Variants in GRIP2 observed in about 807,000 individuals in gnomAD.
The protein encoded by GRIP2 is glutamate receptor interacting protein 2.
In GRIP2, 58 loss-of-function variants were observed where a neutral mutation model predicts 108.3. The observed-to-expected ratio is 0.54, with a 90% confidence interval of 0.43 to 0.67. The LOEUF (loss-of-function observed/expected upper bound fraction) is 0.67. GRIP2 is among the 30% of genes least tolerant of loss of function. The pLI is 0.00. For synonymous variants in GRIP2, 586 were observed against 598.2 expected (o/e 0.98, Z 0.30); for missense variants, 1,278 against 1,430.6 (o/e 0.89, Z 1.72).
chr3:14,535,203 A>G (rs1360018739), intron 1 of GRIP2, among the ~76,000 whole-genome samples: 1 of 152,170 alleles, frequency 6.6e-6, no homozygotes, highest in Non-Finnish European at 1.5e-5. Flanking sequence ...GCTTCGCCCC[A>G]CCATGGAAGG....
At chr3:14,557,626 C>T (rs943121861), upstream of GRIP2, among the ~76,000 whole-genome samples, 3 of 152,218 alleles carry the variant, frequency 2.0e-5, no homozygotes, top group Admixed American at 6.5e-5. Flanking sequence ...GGCACTTGAA[C>T]GGCATCACCC....
the GRIP2 span, among the ~76,000 whole-genome samples, chr3:14,571,207 T>A: frequency 6.6e-6 from 1 of 152,182 alleles, no homozygotes. Context: ...TACGTGCAGG[T>A]GTGTGTCTGT....
chr3:14,525,715 G>T, intron 2 of GRIP2, 136 bp downstream of exon 2: 1 of 1,314,802 alleles, frequency 7.6e-7, no homozygotes, highest in Non-Finnish European at 1.1e-6. Context: ...TTTTTACAGA[G>T]GAGAATCAGA....
chr3:14,499,980 G>A (rs1312722929), intron 21 of GRIP2, among the ~76,000 whole-genome samples: 1 of 152,172 alleles, frequency 6.6e-6, no homozygotes, highest in Non-Finnish European at 1.5e-5. Flanking sequence ...CGGCCCGTGG[G>A]CCACAGGTTG....
At chr3:14,503,435 G>T (rs1693822978) in intron 21 of GRIP2, 131 bp downstream of exon 21, 1 of 641,974 alleles carries the variant, frequency 1.6e-6, no homozygotes, top group African/African-American at 1.8e-5. Context: ...CCCACAGGGT[G>T]CCCAGGTGAG....
At chr3:14,578,859 T>TC in the GRIP2 span, among the ~76,000 whole-genome samples, 168 of 106,062 alleles carry the variant, frequency 1.6e-3, 4 homozygotes, top group Non-Finnish European at 3.8e-4. Context: ...TTTTTTTTTT[T>TC]CTCTCTCTCT....
chr3:14,506,910 G>A lies in GRIP2; in HGVS notation c.2289C>T (p.Ala763=). 6.2e-7 allele frequency: 1 copy of A among 1,606,482 alleles called. No individual in the cohort carries two copies. Among genetic ancestry groups the A allele is most frequent in the Non-Finnish European group, 8.5e-7 (1 of 1,176,678 alleles). ...GGGCTGCTGGCAGGCCTCCTTTCAG[G>A]GCATCTGCTGGGTCCTCATCAGCAT... ...TSDADEDPAD[A]LKGGLPAARF... is the part of the protein sequence containing the mutation. Residue 763 remains alanine (A), a synonymous_variant, in exon 19 of 24, where the codon GCC becomes GCT. Transcript: ENST00000621039.
intron 1 of GRIP2, among the ~76,000 whole-genome samples, chr3:14,526,758 A>AT (rs1694565094): frequency 6.6e-6 from 1 of 152,186 alleles, no homozygotes. Flanking sequence ...CTGCAATGAA[A>AT]TCTGTCTTTT....
chr3:14,513,667 G>C lies in GRIP2; in HGVS notation c.1637C>G (p.Ala546Gly). The C allele has an allele frequency of 6.2e-7, 1 of 1,608,414 alleles. No homozygotes were observed. The part of the protein sequence containing the change: ...KVVLEVEFDV[A>G]ESVIPSSGTF... The stretch of plus-strand genomic sequence containing the variant: ...GGAAGCTTGGGCCACTCACTCACCC[G>C]CCACATCGAACTCCACCTCCAGCAC... Residue 546 changes from alanine to glycine, a missense_variant and splice_region_variant, in exon 13 of 24, where the codon GCG becomes GGG. Transcript: ENST00000621039.
intron 1 of GRIP2, among the ~76,000 whole-genome samples, chr3:14,551,638 G>A (rs1695151169): frequency 1.3e-5 from 2 of 152,182 alleles, no homozygotes; most frequent in Non-Finnish European, 1.5e-5. Context: ...AGAAGGCAGA[G>A]GACTTGGGGG....
At chr3:14,593,926 C>T in the GRIP2 span, among the ~76,000 whole-genome samples, 1 of 152,228 alleles carries the variant, frequency 6.6e-6, no homozygotes, top group African/African-American at 2.4e-5. Flanking sequence ...CATCCAAGCT[C>T]TATTTGCATG....
At chr3:14,572,567 C>A in the GRIP2 span, among the ~76,000 whole-genome samples, 1 of 132,948 alleles carries the variant, frequency 7.5e-6, no homozygotes, top group African/African-American at 2.9e-5. Context: ...AGCCGAGATC[C>A]CGCCACTGCA....
the GRIP2 span, among the ~76,000 whole-genome samples, chr3:14,600,502 G>A: frequency 6.6e-6 from 1 of 152,198 alleles, no homozygotes; most frequent in African/African-American, 2.4e-5. Flanking sequence ...CTTTGTTGAG[G>A]CCTTAAATTA....
At chr3:14,513,598 G>A in intron 13 of GRIP2, 67 bp downstream of exon 13, 1 of 1,529,834 alleles carries the variant, frequency 6.5e-7, no homozygotes, top group Non-Finnish European at 8.8e-7. Context: ...CACAGGCGAG[G>A]CAGGATAAAG....
chr3:14,558,753 C>T (rs1160469735), upstream of GRIP2, among the ~76,000 whole-genome samples: 1 of 152,138 alleles, frequency 6.6e-6, no homozygotes, highest in Non-Finnish European at 1.5e-5. Flanking sequence ...CCTACACACC[C>T]ACCCCAGAGA....
chr3:14,491,264 CCAAA>C lies in GRIP2; in HGVS notation c.*2397_*2400del, dbSNP rs1223565851. On this transcript the variant is annotated 3_prime_UTR_variant, in exon 24 of 24. Coordinates refer to ENST00000621039, the MANE Select transcript of GRIP2 (RefSeq NM_001080423.4). Reference sequence around the variant, plus strand: ...TGGGACAAAGACTTAGACGAGGGCCCCAAACAGACCATAAGCGGCCTTTGCAATA... The same window carrying C: ...TGGGACAAAGACTTAGACGAGGGCCCCAGACCATAAGCGGCCTTTGCAATA... 3.3e-5 allele frequency: 5 copies of C among 152,210 alleles called. No homozygotes were observed. The highest frequency in any genetic ancestry group is 4.8e-5 in the African/African-American group (2 of 41,448). The allele number at this position is 152,210 out of a possible 1,614,324, so 9.4% of individuals were successfully genotyped here.
At chr3:14,562,539 C>G in the GRIP2 span, among the ~76,000 whole-genome samples, 1 of 152,170 alleles carries the variant, frequency 6.6e-6, no homozygotes, top group Non-Finnish European at 1.5e-5. Context: ...GAATGAAGCA[C>G]GTTTCCTGTG....
intron 21 of GRIP2, among the ~76,000 whole-genome samples, chr3:14,500,553 A>C (rs1693737699): frequency 6.6e-6 from 1 of 152,238 alleles, no homozygotes; most frequent in Non-Finnish European, 1.5e-5. Context: ...GATCATTGCC[A>C]GAAGACAACA....
At chr3:14,517,558 G>T (rs998701801) in intron 10 of GRIP2, among the ~76,000 whole-genome samples, 1 of 143,318 alleles carries the variant, frequency 7.0e-6, no homozygotes, top group African/African-American at 2.6e-5. Flanking sequence ...CTGAAGTGCG[G>T]CGGTGTGATC....
Sources: gnomAD v4.1 joint callset for allele counts (sites outside exome capture counted in the v4.1 genomes callset) on GRCh38, gnomAD v4.1.1 for gene constraint, MANE v1.5 for transcripts, NCBI Gene and HGNC (gene_info 2026-07-23, HGNC 2026-07-21) for gene names.